The following NPIPA5 variants were observed in gnomAD, a reference collection of about 807,000 sequenced individuals.
The protein encoded by NPIPA5 is nuclear pore complex interacting protein family member A5, also known as nuclear pore complex-interacting protein family member A5.
Under a neutral mutation model 21.4 loss-of-function variants are expected in NPIPA5, and 6 were observed. That is an observed-to-expected ratio of 0.28 (90% CI 0.15 to 0.55). The LOEUF is 0.55. NPIPA5 is among the 20% of genes least tolerant of loss of function. The probability of loss-of-function intolerance (pLI) is 0.93; values close to 1 mark genes in which losing one functional copy is unlikely to be tolerated. For synonymous variants in NPIPA5, 33 were observed against 115.3 expected (o/e 0.29, Z 4.57); for missense variants, 99 against 318.2 (o/e 0.31, Z 5.24).
intron 4 of NPIPA5, among the ~76,000 whole-genome samples, chr16:15,368,421 A>G (rs2050040009): frequency 6.6e-6 from 1 of 152,128 alleles, no homozygotes; most frequent in Non-Finnish European, 1.5e-5. Context: ...ATAACATGCT[A>G]CTAGGTCTCA....
In NPIPA5 at chr16:15,370,889, A is replaced by G. The variant is rs2050139087; in HGVS notation, c.193-770T>C. On this transcript the variant is annotated intron_variant, in intron 2 of 7. Coordinates refer to ENST00000360151, the MANE Select transcript of NPIPA5 (RefSeq NM_001277325.2). ...TGGTGAAACCCCGTCTCTACTAAAA[A>G]TACAAAAATTAGCTGAGCATGGTGG... 2.1e-5 allele frequency among the ~76,000 whole-genome samples: 3 copies of G among 145,556 alleles called. 1 individual carries two copies. Among genetic ancestry groups the G allele is most frequent in the Non-Finnish European group, 4.5e-5 (3 of 66,472 alleles).
chr16:15,375,455 C>T (rs1321909112), intron 1 of NPIPA5, among the ~76,000 whole-genome samples: 1 of 150,664 alleles, frequency 6.6e-6, no homozygotes, highest in African/African-American at 2.4e-5. Context: ...TAAAAAGTAA[C>T]AAGGTGGGCC....
chr16:15,370,422 TCACACACA>T (rs576379543), intron 2 of NPIPA5, among the ~76,000 whole-genome samples: 3 of 118,396 alleles, frequency 2.5e-5, no homozygotes, highest in Non-Finnish European at 3.5e-5. Flanking sequence ...TGAGACTCTG[TCACACACA>T]CACACACACA....
At chr16:15,367,616 A>C (rs1424795106) in intron 4 of NPIPA5, among the ~76,000 whole-genome samples, 1 of 151,490 alleles carries the variant, frequency 6.6e-6, no homozygotes, top group Non-Finnish European at 1.5e-5. Flanking sequence ...TTTTATAGGA[A>C]GGATGTGTAA....
chr16:15,370,422 T>TCA (rs576379543), intron 2 of NPIPA5, among the ~76,000 whole-genome samples: 73,875 of 117,950 alleles, frequency 0.63, 25,067 homozygotes, highest in East Asian at 0.76. Context: ...TGAGACTCTG[T>TCA]CACACACACA....
chr16:15,377,678 G>A (rs1567417988), intron 1 of NPIPA5, among the ~76,000 whole-genome samples: 1 of 101,374 alleles, frequency 9.9e-6, no homozygotes, highest in Non-Finnish European at 2.1e-5. Context: ...AAGGGGAGAA[G>A]TAAGGGAAGG....
intron 2 of NPIPA5, among the ~76,000 whole-genome samples, chr16:15,371,331 A>T (rs2050150556): frequency 6.9e-6 from 1 of 144,162 alleles, no homozygotes; most frequent in African/African-American, 2.5e-5. Flanking sequence ...GGCTGGTTTG[A>T]ACTTAATGCA....
upstream of NPIPA5, chr16:15,381,264 G>A (rs1305034855): frequency 2.6e-5 from 4 of 151,102 alleles, no homozygotes; most frequent in African/African-American, 1.0e-4. Flanking sequence ...GTTTTCTTCT[G>A]TGTGAAACAG....
upstream of NPIPA5, among the ~76,000 whole-genome samples, chr16:15,379,869 G>A (rs1302492044): frequency 1.3e-4 from 20 of 151,894 alleles, no homozygotes; most frequent in Admixed American, 7.9e-4. Flanking sequence ...GCTTGAACCC[G>A]GGAGACGGAG....
intron 4 of NPIPA5, among the ~76,000 whole-genome samples, chr16:15,368,367 C>A (rs917916107): frequency 6.6e-6 from 1 of 152,056 alleles, no homozygotes; most frequent in African/African-American, 2.4e-5. Context: ...TGGAGGACCC[C>A]TGACCATCCC....
chr16:15,380,118 T>A (rs1487026278), upstream of NPIPA5, among the ~76,000 whole-genome samples: 5 of 152,002 alleles, frequency 3.3e-5, no homozygotes, highest in African/African-American at 1.2e-4. Context: ...ACTGGACTTT[T>A]TGTAGACTGC....
chr16:15,374,197 T>A (rs1184192413), intron 1 of NPIPA5, among the ~76,000 whole-genome samples: 2 of 136,436 alleles, frequency 1.5e-5, no homozygotes, highest in Non-Finnish European at 3.4e-5. Flanking sequence ...AAAAAAAAAT[T>A]TTTTTTTTTT....
chr16:15,375,764 C>T (rs2050275334), intron 1 of NPIPA5, among the ~76,000 whole-genome samples: 1 of 145,884 alleles, frequency 6.9e-6, no homozygotes, highest in Non-Finnish European at 1.5e-5. Context: ...AAAAAAATTA[C>T]CAAGGTGGAG....
At position 15,367,439 on chromosome 16, in the gene NPIPA5, T is replaced by A. The variant is rs1166180774; in HGVS notation, c.438-679A>T. ...CAGGGTGTTATGTCCTGAAAATAGG[T>A]GACAACGGCAAACCATCCACCCTGG... On this transcript the variant is annotated intron_variant, in intron 4 of 7. Coordinates refer to ENST00000360151, the MANE Select transcript of NPIPA5 (RefSeq NM_001277325.2). Among the ~76,000 whole-genome samples the A allele has an allele frequency of 9.9e-5, 15 of 152,120 alleles. No individual in the cohort carries two copies. In the East Asian group the frequency reaches 2.7e-3, roughly 27 times the overall value.
chr16:15,379,423 C>T (rs561919038), upstream of NPIPA5, among the ~76,000 whole-genome samples: 351 of 151,014 alleles, frequency 2.3e-3, no homozygotes, highest in African/African-American at 6.2e-3. Context: ...AAAAATTAGC[C>T]GGGTGTGGTG....
chr16:15,374,429 C>G (rs1368953767), intron 1 of NPIPA5, among the ~76,000 whole-genome samples: 1 of 151,826 alleles, frequency 6.6e-6, no homozygotes, highest in South Asian at 2.1e-4. Context: ...GAACTCCTGA[C>G]AGGCGATCTG....
At position 15,363,707 on chromosome 16, in the gene NPIPA5, G is replaced by C; in HGVS notation, c.1005C>G (p.Val335=). The C allele has an allele frequency of 6.9e-7, 1 of 1,451,524 alleles. No homozygotes were observed. The highest frequency in any genetic ancestry group is 9.1e-7 in the Non-Finnish European group (1 of 1,094,952). The allele number at this position is 1,451,524 out of a possible 1,614,324, so 89.9% of individuals were successfully genotyped here. A position where few individuals can be genotyped will look rare whatever the true frequency, so the allele number is the denominator to read the frequency against. Residue 335 remains valine, a synonymous_variant, in exon 8 of 8, where the codon GTC becomes GTG. Coordinates refer to ENST00000360151, the MANE Select transcript of NPIPA5 (RefSeq NM_001277325.2). ...GCTGAGGGTGGAAGGGGAGTGAGCA[G>C]ACACACTCGGGAGGTGTCTTGAGAT... is the stretch of plus-strand genomic sequence containing the variant. ...DDNLKTPPEC[V]CSLPFHPQRM...
chr16:15,380,283 T>C (rs1436352263), upstream of NPIPA5, among the ~76,000 whole-genome samples: 2 of 151,882 alleles, frequency 1.3e-5, no homozygotes, highest in Non-Finnish European at 2.9e-5. Flanking sequence ...AAAAGTAGTT[T>C]AGAAGCTGTT....
chr16:15,380,078 T>C (rs1341840483), upstream of NPIPA5, among the ~76,000 whole-genome samples: 1 of 151,826 alleles, frequency 6.6e-6, no homozygotes, highest in African/African-American at 2.4e-5. Context: ...CAAGATAATG[T>C]TCAACTTAAT....
Sources: gnomAD v4.1 joint callset for allele counts (sites outside exome capture counted in the v4.1 genomes callset) on GRCh38, gnomAD v4.1.1 for gene constraint, MANE v1.5 for transcripts, NCBI Gene and HGNC (gene_info 2026-07-23, HGNC 2026-07-21) for gene names.